FLNB: variants seen among roughly 807,000 people sequenced by gnomAD.
FLNB encodes filamin B.
FLNB carries 111 observed loss-of-function variants against 250.6 expected under a neutral mutation model. The observed-to-expected ratio is 0.44, with a 90% CI of 0.38 to 0.52. The LOEUF is 0.52. Among genes scored for constraint, FLNB ranks in the 20% least tolerant of loss-of-function variants. FLNB has a pLI of 0.00. For missense variants in FLNB, 2,869 were observed against 3,447.8 expected, an observed-to-expected ratio of 0.83 and a Z score of 4.20; for synonymous variants, 1,302 against 1,372.1, an observed-to-expected ratio of 0.95 and a Z score of 1.13.
At chr3:58,156,144 T>A (rs759828040) in intron 41 of FLNB, 69 bp downstream of exon 41, 25 of 1,169,708 alleles carry the variant, frequency 2.1e-5, no homozygotes, top group African/African-American at 9.1e-5. Flanking sequence ...CTCCTGAGGC[T>A]GCTTCAATGT....
At chr3:58,011,396 C>T (rs1029385757) in intron 1 of FLNB, among the ~76,000 whole-genome samples, 3 of 152,154 alleles carry the variant, frequency 2.0e-5, no homozygotes, top group African/African-American at 4.8e-5. Flanking sequence ...TCATATTCCC[C>T]AGAGTGACAT....
intron 1 of FLNB, among the ~76,000 whole-genome samples, chr3:58,024,427 C>T (rs2097119726): frequency 1.3e-5 from 2 of 152,140 alleles, no homozygotes; most frequent in Non-Finnish European, 2.9e-5. Flanking sequence ...CATCATGCTC[C>T]CCACCAACCT....
At chr3:58,075,937 A>AGG (rs1348182110) in intron 1 of FLNB, among the ~76,000 whole-genome samples, 1 of 152,102 alleles carries the variant, frequency 6.6e-6, no homozygotes, top group African/African-American at 2.4e-5. Context: ...AGAGAAGGCA[A>AGG]GGGCAGGGAA....
intron 1 of FLNB, among the ~76,000 whole-genome samples, chr3:58,032,172 C>G (rs2097131997): frequency 6.6e-6 from 1 of 151,968 alleles, no homozygotes; most frequent in African/African-American, 2.4e-5. Context: ...TGAGCTCAAG[C>G]AATCCTCTCT....
intron 8 of FLNB, 127 bp from the exon 9 acceptor site, chr3:58,102,076 G>A (rs1190967248): frequency 9.9e-7 from 1 of 1,006,054 alleles, no homozygotes; most frequent in Non-Finnish European, 1.5e-6. Flanking sequence ...CCCTGGTCTT[G>A]GGCAACTACT....
At chr3:58,065,330 A>G (rs2097183992) in intron 1 of FLNB, among the ~76,000 whole-genome samples, 1 of 152,200 alleles carries the variant, frequency 6.6e-6, no homozygotes, top group Admixed American at 6.5e-5. Flanking sequence ...CTCATCTCCA[A>G]AATGGGAGTC....
In FLNB at chr3:58,162,989, G is replaced by A. The variant is rs1339348452; in HGVS notation, c.7022-165G>A. 1.6e-5 allele frequency: 11 copies of A among 704,102 alleles called. No homozygotes were observed. The East Asian group carries it at 3.0e-4, about 19-fold the overall frequency. 43.6% of individuals were successfully genotyped at this position (704,102 alleles called of 1,614,324 possible). On this transcript the variant is annotated intron_variant, in intron 42 of 45. Coordinates refer to ENST00000295956, the MANE Select transcript of FLNB (RefSeq NM_001457.4). ...CCTTGGGGCTGATGAGGGATACCCAGGGGGTCTGTCTGGTTCTGAAATCCA... is the reference window on the plus strand; with the variant it reads ...CCTTGGGGCTGATGAGGGATACCCAAGGGGTCTGTCTGGTTCTGAAATCCA...
At position 58,123,687 on chromosome 3, in the gene FLNB, A is replaced by C; in HGVS notation, c.3721A>C (p.Lys1241Gln). ...IKVFGPGIEG[K>Q]DVFREATTDF... is the part of the protein sequence containing the mutation. ...AGTCTTTGGACCAGGAATAGAAGGG[A>C]AAGGTGGGTTTCATTTAAAAAAAAA... The change falls in exon 21 of 46, where the codon AAA becomes CAA. Residue 1241 changes from lysine (K) to glutamine (Q), a missense_variant. Coordinates refer to ENST00000295956, the MANE Select transcript of FLNB (RefSeq NM_001457.4). The C allele has an allele frequency of 6.9e-7, 1 of 1,454,440 alleles. No homozygotes were observed. The highest frequency in any genetic ancestry group is 9.5e-7 in the Non-Finnish European group (1 of 1,047,164). 90.1% of individuals were successfully genotyped at this position (1,454,440 alleles called of 1,614,324 possible). A position where few individuals can be genotyped will look rare whatever the true frequency, so the allele number is the denominator to read the frequency against.
At chr3:58,035,214 C>G (rs1415276836) in intron 1 of FLNB, among the ~76,000 whole-genome samples, 2 of 152,174 alleles carry the variant, frequency 1.3e-5, no homozygotes, top group African/African-American at 4.8e-5. Flanking sequence ...GAGATTACCT[C>G]TTCACCTCAC....
intron 1 of FLNB, among the ~76,000 whole-genome samples, chr3:58,011,621 G>A (rs1416876414): frequency 2.0e-5 from 3 of 152,250 alleles, no homozygotes; most frequent in Admixed American, 2.0e-4. Flanking sequence ...TCAAGGCAAA[G>A]TTACCTCCAG....
intron 29 of FLNB, among the ~76,000 whole-genome samples, 181 bp from the exon 30 acceptor site, chr3:58,141,677 A>C (rs1382981888): frequency 6.6e-6 from 1 of 151,112 alleles, no homozygotes; most frequent in Non-Finnish European, 1.5e-5. Context: ...TGCGCATCTG[A>C]CAGTTGAAGA....
At chr3:58,138,648 G>T in intron 29 of FLNB, 119 bp downstream of exon 29, 1 of 1,296,554 alleles carries the variant, frequency 7.7e-7, no homozygotes, top group Non-Finnish European at 1.1e-6. Context: ...AAAAAAATTT[G>T]TTAAGCAGTC....
At chr3:58,096,042 G>T in intron 5 of FLNB, 99 bp from the exon 6 acceptor site, 1 of 905,018 alleles carries the variant, frequency 1.1e-6, no homozygotes, top group Non-Finnish European at 1.8e-6. Flanking sequence ...CACCTTCAGT[G>T]TTTCCGACCT....
In FLNB at chr3:58,097,830, G is replaced by T. The variant is rs768539992; in HGVS notation, c.1000G>T (p.Ala334Ser). 1.2e-6 allele frequency: 2 copies of T among 1,614,084 alleles called. No homozygotes were observed. Among genetic ancestry groups the T allele is most frequent in the South Asian group, 1.1e-5 (1 of 91,074 alleles). Residue 334 changes from alanine (A) to serine (S), a missense_variant, in exon 7 of 46, where the codon GCA becomes TCA. Coordinates refer to ENST00000295956, the MANE Select transcript of FLNB (RefSeq NM_001457.4). ...TGLHKVTVLF[A>S]GQHISKSPFE... ...TCACCTATAGGTCACAGTCCTCTTTGCAGGACAGCACATCTCCAAGAGCCC... is the reference window on the plus strand; with the variant it reads ...TCACCTATAGGTCACAGTCCTCTTTTCAGGACAGCACATCTCCAAGAGCCC...
At chr3:58,026,123 G>A (rs1352249273) in intron 1 of FLNB, among the ~76,000 whole-genome samples, 2 of 152,190 alleles carry the variant, frequency 1.3e-5, no homozygotes, top group South Asian at 2.1e-4. Context: ...AAGTCTTCAC[G>A]TTAATGCCAT....
In FLNB at chr3:58,123,143, C is replaced by T. The variant is rs755358831; in HGVS notation, c.3177C>T (p.Ala1059=). ...AAGGTGGTCTCGTGGGCAAGCCTGC[C>T]GAGTTCACCATCGATACCAAAGGAG... ...GLEGGLVGKP[A]EFTIDTKGAG... The change falls in exon 21 of 46, where the codon GCC becomes GCT. Residue 1059 remains alanine, a synonymous_variant. Coordinates refer to ENST00000295956, the MANE Select transcript of FLNB (RefSeq NM_001457.4). The T allele has an allele frequency of 9.9e-6, 16 of 1,614,058 alleles. No homozygotes were observed. Among genetic ancestry groups the T allele is most frequent in the Middle Eastern group, 1.6e-4 (1 of 6,084 alleles).
Position 58,169,471 on chromosome 3 carries a change from T to C in FLNB, c.7418-119T>C. ...TGTGAGATACAGGTGTGGTGGCTTT[T>C]GTGTTGGGGTGCGCGGGCTCTCCTG... On this transcript the variant is annotated intron_variant, in intron 44 of 45. Coordinates refer to ENST00000295956, the MANE Select transcript of FLNB (RefSeq NM_001457.4). The surrounding 1 kb of genome is among the most constrained non-coding windows in gnomAD (Gnocchi z 4.8). 2 of 796,590 alleles carry C rather than the reference T, an allele frequency of 2.5e-6. No homozygotes were observed. Among genetic ancestry groups the C allele is most frequent in the Non-Finnish European group, 4.5e-6 (2 of 446,098 alleles). 49.3% of individuals were successfully genotyped at this position (796,590 alleles called of 1,614,324 possible).
In FLNB at chr3:58,142,358, C is replaced by T. The variant is rs900341041; in HGVS notation, c.5182-292C>T. ...CCTTTCCAGATGGAGCCTCTTGGGA[C>T]TCATAGACATTGCTGTCTCTCACTT... On this transcript the variant is annotated intron_variant, in intron 30 of 45. Transcript: ENST00000295956. This position sits in a 1 kb window ranked among gnomAD's most constrained non-coding sequence, Gnocchi z 4.3. Among the ~76,000 whole-genome samples the T allele has an allele frequency of 6.6e-6, 1 of 152,240 alleles. No homozygotes were observed. Among genetic ancestry groups the T allele is most frequent in the Non-Finnish European group, 1.5e-5 (1 of 68,034 alleles).
intron 34 of FLNB, 94 bp from the exon 35 acceptor site, chr3:58,148,112 G>A (rs1045741117): frequency 5.6e-6 from 7 of 1,254,404 alleles, no homozygotes; most frequent in South Asian, 1.2e-5. Context: ...ATTAGTTCTT[G>A]CGTGTTCATC....
Sources: gnomAD v4.1 joint callset for allele counts (sites outside exome capture counted in the v4.1 genomes callset) on GRCh38, gnomAD v4.1.1 for gene constraint, Gnocchi (gnomAD v3.1) non-coding constraint, MANE v1.5 for transcripts, NCBI Gene and HGNC (gene_info 2026-07-23, HGNC 2026-07-21) for gene names.